The following PTK2 variants were observed in gnomAD, a reference collection of about 807,000 sequenced individuals.
The protein encoded by PTK2 is protein tyrosine kinase 2.
A neutral mutation model predicts 150.1 loss-of-function variants in PTK2; 45 were observed. The ratio of observed to expected loss-of-function variants is 0.30; its 90% CI spans 0.24 to 0.38. PTK2 has a LOEUF of 0.38. Among genes scored for constraint, PTK2 ranks in the 10% least tolerant of loss-of-function variants. PTK2 has a pLI of 1.00. For synonymous variants in PTK2, 432 were observed against 449.2 expected, an observed-to-expected ratio of 0.96 and a Z score of 0.48; for missense variants, 919 against 1,307.3, an observed-to-expected ratio of 0.70 and a Z score of 4.58.
In PTK2 at chr8:140,854,736, G is replaced by A. The variant is rs181370472; in HGVS notation, c.451-8058C>T. 3.3e-3 allele frequency among the ~76,000 whole-genome samples: 505 copies of A among 152,152 alleles called. 4 individuals carry two copies. Among genetic ancestry groups the A allele is most frequent in the African/African-American group, 0.012 (479 of 41,486 alleles). ...TACATTTAGGCCATCTTTTAATGAA[G>A]CTATGTGCATCCTTAATAATTATGT... On this transcript the variant is annotated intron_variant, in intron 5 of 31. Coordinates refer to ENST00000522684, the Ensembl canonical transcript of PTK2.
intron 1 of PTK2, among the ~76,000 whole-genome samples, chr8:140,961,805 G>C (rs1320366905): frequency 2.0e-5 from 3 of 152,146 alleles, no homozygotes; most frequent in Admixed American, 1.3e-4. Context: ...GGAAATTTTA[G>C]ATAAAAGAAA....
At chr8:140,765,495 G>C (rs577321481) in intron 14 of PTK2, among the ~76,000 whole-genome samples, 16 of 151,850 alleles carry the variant, frequency 1.1e-4, no homozygotes, top group Non-Finnish European at 2.1e-4. Flanking sequence ...AAAAAGTTGG[G>C]GAAGCAGATT....
chr8:140,896,796 G>GGGGT (rs1555343185), intron 2 of PTK2, among the ~76,000 whole-genome samples: 1 of 127,684 alleles, frequency 7.8e-6, no homozygotes, highest in Non-Finnish European at 1.9e-5. Flanking sequence ...AACGGGGGGG[G>GGGGT]GGGGTGGGTA....
intron 1 of PTK2, among the ~76,000 whole-genome samples, chr8:140,926,270 A>C (rs2100169409): frequency 1.3e-5 from 2 of 152,266 alleles, no homozygotes; most frequent in Non-Finnish European, 2.9e-5. Flanking sequence ...GAACAGAGAA[A>C]TTAAGTAACA....
At chr8:140,803,793 G>T in intron 10 of PTK2, 143 bp from the exon 11 acceptor site, 1 of 718,814 alleles carries the variant, frequency 1.4e-6, no homozygotes, top group Non-Finnish European at 2.3e-6. Flanking sequence ...GATTCTCCAT[G>T]CTGCCCCAGG....
chr8:140,670,104 A>C (rs1395628783), intron 29 of PTK2: 1 of 190,432 alleles, frequency 5.3e-6, no homozygotes, highest in Non-Finnish European at 1.1e-5. Flanking sequence ...ATTACTGAAA[A>C]GTGCCCATCT....
chr8:140,671,755 T>C lies in PTK2; in HGVS notation c.2709+2543A>G, dbSNP rs1048814865. ...GGTGAAACCCCGTCTCTACTAAAAA[T>C]ACCCAAAAAAAAAAAAAAAAAAAAA... On this transcript the variant is annotated intron_variant, in intron 29 of 31. Transcript: ENST00000522684. 1.6e-4 allele frequency among the ~76,000 whole-genome samples: 9 copies of C among 55,188 alleles called. No individual in the cohort carries two copies. The East Asian group carries it at 3.2e-3, about 20-fold the overall frequency. 36.2% of individuals were successfully genotyped at this position (55,188 alleles called of 152,430 possible).
chr8:140,971,206 G>C (rs1448589139), intron 1 of PTK2, among the ~76,000 whole-genome samples: 4 of 152,148 alleles, frequency 2.6e-5, no homozygotes, highest in African/African-American at 9.7e-5. Context: ...ATAATAACTG[G>C]TGATAGTAAA....
At chr8:140,694,079 C>T (rs1203889323) in intron 26 of PTK2, among the ~76,000 whole-genome samples, 5 of 144,012 alleles carry the variant, frequency 3.5e-5, no homozygotes, top group Admixed American at 7.2e-5. Flanking sequence ...CTCGCTCTGT[C>T]GCCCAGGCTG....
chr8:140,855,796 T>C (rs4961236), intron 5 of PTK2, among the ~76,000 whole-genome samples: 65,208 of 151,876 alleles, frequency 0.43, 14,789 homozygotes, highest in East Asian at 0.56. Flanking sequence ...TGGGGAAATA[T>C]TGTCTATAGA....
chr8:140,839,713 T>C (rs548581215), intron 7 of PTK2, among the ~76,000 whole-genome samples: 1 of 151,910 alleles, frequency 6.6e-6, no homozygotes, highest in South Asian at 2.1e-4. Flanking sequence ...GACAGAGAGA[T>C]AGAAAACACG....
intron 26 of PTK2, among the ~76,000 whole-genome samples, chr8:140,697,069 G>A (rs1244695349): frequency 6.7e-6 from 1 of 149,566 alleles, no homozygotes; most frequent in African/African-American, 2.5e-5. Flanking sequence ...AGGAGGTCAA[G>A]GCTGGAGTGA....
intron 11 of PTK2, 66 bp from the exon 12 acceptor site, chr8:140,800,642 C>T (rs2100094501): frequency 7.3e-6 from 9 of 1,235,022 alleles, no homozygotes; most frequent in African/African-American, 4.4e-5. Flanking sequence ...GACAGCTGTG[C>T]TATGACATCA....
At chr8:140,917,677 A>G (rs2100165834) in intron 2 of PTK2, among the ~76,000 whole-genome samples, 1 of 152,236 alleles carries the variant, frequency 6.6e-6, no homozygotes. Context: ...CTAACCCTAC[A>G]AAGAATTTAT....
At chr8:140,765,480 A>G (rs1350655411) in intron 14 of PTK2, among the ~76,000 whole-genome samples, 2 of 148,688 alleles carry the variant, frequency 1.3e-5, no homozygotes, top group East Asian at 2.0e-4. Flanking sequence ...TGATTACAGT[A>G]AAAAAAAAAG....
intron 27 of PTK2, among the ~76,000 whole-genome samples, chr8:140,679,003 G>GTTTTTTTTTTTTTTT (rs533089786): frequency 4.3e-5 from 3 of 69,008 alleles, no homozygotes; most frequent in Admixed American, 2.2e-4. Context: ...TGCTCCCCAT[G>GTTTTTTTTTTTTTTT]TTTTTTTTTT....
At chr8:140,810,977 G>GCTA (rs2100101203) in intron 10 of PTK2, among the ~76,000 whole-genome samples, 1 of 152,226 alleles carries the variant, frequency 6.6e-6, no homozygotes, top group Non-Finnish European at 1.5e-5. Context: ...AAACCGTGCT[G>GCTA]CTACTGCCAC....
intron 1 of PTK2, among the ~76,000 whole-genome samples, chr8:140,933,834 G>A (rs1308332960): frequency 6.6e-6 from 1 of 152,004 alleles, no homozygotes; most frequent in Non-Finnish European, 1.5e-5. Flanking sequence ...TCATTGTATA[G>A]TATGAGAATT....
In PTK2 at chr8:140,779,688, G is replaced by C. The variant is rs116214380; in HGVS notation, c.1177+9786C>G. Among the ~76,000 whole-genome samples the C allele has an allele frequency of 4.2e-3, 636 of 152,330 alleles. 3 individuals carry two copies. Among genetic ancestry groups the C allele is most frequent in the African/African-American group, 0.014 (595 of 41,562 alleles). ...AAAACAGAGGGTATGCAGAGGGTAT[G>C]CCAGCAACAAGGGAGTCTGGGGCTT... On this transcript the variant is annotated intron_variant, in intron 14 of 31. Transcript: ENST00000522684.
Sources: gnomAD v4.1 joint callset for allele counts (sites outside exome capture counted in the v4.1 genomes callset) on GRCh38, gnomAD v4.1.1 for gene constraint, MANE v1.5 for transcripts, NCBI Gene and HGNC (gene_info 2026-07-23, HGNC 2026-07-21) for gene names.